Variants in TRIM39 observed in about 807,000 individuals in gnomAD.
TRIM39 encodes tripartite motif containing 39.
A neutral mutation model predicts 53.6 loss-of-function variants in TRIM39; 5 were observed. The ratio of observed to expected loss-of-function variants is 0.09; its 90% CI spans 0.05 to 0.20. TRIM39 has a LOEUF of 0.20. Among genes scored for constraint, TRIM39 ranks in the 10% least tolerant of loss-of-function variants. The pLI is 1.00. For missense variants in TRIM39, 310 were observed against 621.0 expected, an observed-to-expected ratio of 0.50 and a Z score of 5.32; for synonymous variants, 196 against 237.6, an observed-to-expected ratio of 0.82 and a Z score of 1.61.
Position 30,335,653 on chromosome 6 carries a change from G to A in TRIM39, c.550-92G>A. Reference sequence around the variant, plus strand: ...TAAACCATTTTCAATGAAACTGGAAGTCTGTGTTAATTCATACATATGGTG... The same window carrying A: ...TAAACCATTTTCAATGAAACTGGAAATCTGTGTTAATTCATACATATGGTG... On this transcript the variant is annotated intron_variant, in intron 4 of 7. Transcript: ENST00000396551. This position sits in a 1 kb window ranked among gnomAD's most constrained non-coding sequence, Gnocchi z 4.7. 6.9e-7 allele frequency: 1 copy of A among 1,448,440 alleles called. No individual in the cohort carries two copies. Among genetic ancestry groups the A allele is most frequent in the South Asian group, 1.4e-5 (1 of 72,308 alleles). The allele number at this position is 1,448,440 out of a possible 1,614,324, so 89.7% of individuals were successfully genotyped here.
chr6:30,333,965 C>T (rs1582023192), intron 4 of TRIM39, among the ~76,000 whole-genome samples: 1 of 152,154 alleles, frequency 6.6e-6, no homozygotes, highest in African/African-American at 2.4e-5. Context: ...ACACCCATAC[C>T]TAAACAAACA....
chr6:30,335,978 T>G lies in TRIM39; in HGVS notation c.780+3T>G, dbSNP rs773090113. On this transcript the variant is annotated splice_donor_region_variant and intron_variant, in intron 5 of 7. Transcript: ENST00000396551. This position sits in a 1 kb window ranked among gnomAD's most constrained non-coding sequence, Gnocchi z 4.7. ...AGTCAGGCTTCGAGATGCTTAAGGT[T>G]CGACCTTTGCCCCTGCATAGCCCCT... 1 of 1,613,028 alleles carries G rather than the reference T, an allele frequency of 6.2e-7. No individual in the cohort carries two copies. The highest frequency in any genetic ancestry group is 1.1e-5 in the South Asian group (1 of 91,052).
intron 4 of TRIM39, among the ~76,000 whole-genome samples, chr6:30,331,807 A>G (rs1396349111): frequency 6.6e-6 from 1 of 152,182 alleles, no homozygotes; most frequent in Non-Finnish European, 1.5e-5. Flanking sequence ...CACCTCTTTT[A>G]TAGCATTGCC....
chr6:30,336,079 C>T (rs1405073931), intron 5 of TRIM39, 104 bp downstream of exon 5: 1 of 1,505,342 alleles, frequency 6.6e-7, no homozygotes, highest in African/African-American at 1.4e-5. Flanking sequence ...CTCTCCTTCT[C>T]TAAATCCAGT....
chr6:30,339,850 G>A lies in TRIM39; in HGVS notation c.781-58G>A. On this transcript the variant is annotated intron_variant, in intron 5 of 7. Coordinates refer to ENST00000396551, the Ensembl canonical transcript of TRIM39. The surrounding 1 kb of genome is among the most constrained non-coding windows in gnomAD (Gnocchi z 4.2). The stretch of plus-strand genomic sequence containing the variant: ...CTTTGGGGAGGAGGGGGAACCTTTT[G>A]CCTTCAGGACCACTGAATACCAGGA... The A allele has an allele frequency of 6.2e-7, 1 of 1,612,026 alleles. No individual in the cohort carries two copies. The highest frequency in any genetic ancestry group is 8.5e-7 in the Non-Finnish European group (1 of 1,178,654).
intron 4 of TRIM39, among the ~76,000 whole-genome samples, chr6:30,333,675 T>A (rs1434417593): frequency 6.6e-6 from 1 of 152,158 alleles, no homozygotes; most frequent in East Asian, 1.9e-4. Context: ...AGGCCTGTGT[T>A]TTTGAATATC....
At chr6:30,332,416 T>G (rs1786295060) in intron 4 of TRIM39, among the ~76,000 whole-genome samples, 1 of 152,196 alleles carries the variant, frequency 6.6e-6, no homozygotes. Flanking sequence ...TTTTTAAGAG[T>G]TGACATGTAG....
At chr6:30,340,191 T>A in intron 6 of TRIM39, 1 of 1,278,760 alleles carries the variant, frequency 7.8e-7, no homozygotes, top group Admixed American at 1.7e-5. Flanking sequence ...TGCCAGTGGG[T>A]GGAATTGTGT....
chr6:30,340,658 A>G, intron 7 of TRIM39, 38 bp downstream of exon 7: 2 of 1,589,318 alleles, frequency 1.3e-6, no homozygotes, highest in Non-Finnish European at 1.7e-6. Context: ...AGAAACCACT[A>G]GAGAGAAGAA....
intron 6 of TRIM39, chr6:30,340,207 C>G (rs556201544): frequency 3.8e-5 from 54 of 1,419,836 alleles, no homozygotes; most frequent in Admixed American, 6.8e-5. Flanking sequence ...TGTGTCCAAA[C>G]AAGATGGCAG....
Position 30,339,662 on chromosome 6 carries a change from C to A in TRIM39, c.781-246C>A, listed in dbSNP as rs1250688205. Among the ~76,000 whole-genome samples, 1 of 152,168 alleles carries A rather than the reference C, an allele frequency of 6.6e-6. No individual in the cohort carries two copies. The highest frequency in any genetic ancestry group is 1.5e-5 in the Non-Finnish European group (1 of 68,022). ...AGCATCCTTGAGGAGCAAAGACAAG[C>A]ATAAAAGAAATCATTGGGAAGTGAT... On this transcript the variant is annotated intron_variant, in intron 5 of 7. Transcript: ENST00000396551. This position sits in a 1 kb window ranked among gnomAD's most constrained non-coding sequence, Gnocchi z 4.2.
chr6:30,331,828 C>CAT (rs927894231), intron 4 of TRIM39, among the ~76,000 whole-genome samples: 43 of 152,162 alleles, frequency 2.8e-4, no homozygotes, highest in Admixed American at 1.4e-3. Flanking sequence ...TTATTTGTAG[C>CAT]ATGGTATTTT....
Position 30,342,073 on chromosome 6 carries a change from G to C in TRIM39, c.1281G>C (p.Arg427=), listed in dbSNP as rs1787614628. 1 of 1,612,922 alleles carries C rather than the reference G, an allele frequency of 6.2e-7. No individual in the cohort carries two copies. The highest frequency in any genetic ancestry group is 2.2e-5 in the East Asian group (1 of 44,882). The change falls in exon 8 of 8, where the codon CGG becomes CGC. Residue 427 remains arginine (R), a synonymous_variant. Coordinates refer to ENST00000396551, the Ensembl canonical transcript of TRIM39. The surrounding 1 kb of genome is among the most constrained non-coding windows in gnomAD (Gnocchi z 4.7). ...TGCACATCAAGGTGAAACCCAAGCG[G>C]GTAGGCATATTCCTAGACTATGAGG...
At chr6:30,331,224 A>C (rs939433485) in intron 4 of TRIM39, among the ~76,000 whole-genome samples, 3 of 151,920 alleles carry the variant, frequency 2.0e-5, no homozygotes, top group African/African-American at 7.3e-5. Flanking sequence ...AGCCAAGATC[A>C]CACCATTGTA....
At chr6:30,327,590 A>T (rs1405851647) in intron 1 of TRIM39, 1 of 152,342 alleles carries the variant, frequency 6.6e-6, no homozygotes, top group African/African-American at 2.4e-5. Context: ...TGTAGTTGAG[A>T]GTCCTCTCCC....
At position 30,338,314 on chromosome 6, in the gene TRIM39, A is replaced by C. The variant is rs182787960; in HGVS notation, c.781-1594A>C. Among the ~76,000 whole-genome samples the C allele has an allele frequency of 2.4e-4, 37 of 152,190 alleles. No homozygotes were observed. Among genetic ancestry groups the C allele is most frequent in the African/African-American group, 7.2e-4 (30 of 41,528 alleles). On this transcript the variant is annotated intron_variant, in intron 5 of 7. Transcript: ENST00000396551. The surrounding 1 kb of genome is among the most constrained non-coding windows in gnomAD (Gnocchi z 4.0). ...AATGTGCCTTTCTCACTAAGCTTAA[A>C]CATTTTTAGGTTTTGATTTAAAGTG...
Sources: allele counts gnomAD v4.1 joint callset (sites outside exome capture counted in the v4.1 genomes callset), GRCh38; gene constraint gnomAD v4.1.1; non-coding constraint Gnocchi (gnomAD v3.1); transcripts MANE v1.5; gene names NCBI Gene and HGNC (gene_info 2026-07-23, HGNC 2026-07-21).